PHF21B: variants seen among roughly 807,000 people sequenced by gnomAD.
The protein encoded by PHF21B is PHD finger protein 21B, also known as PHD finger protein 4.
PHF21B carries 22 observed loss-of-function variants against 62.2 expected under a neutral mutation model. The observed-to-expected ratio is 0.35, with a 90% CI of 0.25 to 0.51. PHF21B has a LOEUF of 0.51. Ranked by LOEUF, PHF21B falls within the 20% of genes least tolerant of loss-of-function variation. The pLI is 0.97. For synonymous variants in PHF21B, 341 were observed against 314.7 expected, an observed-to-expected ratio of 1.08 and a Z score of -0.88; for missense variants, 701 against 707.9, an observed-to-expected ratio of 0.99 and a Z score of 0.11.
chr22:45,009,264 G>T lies in PHF21B; in HGVS notation c.54+232C>A. On this transcript the variant is annotated intron_variant, in intron 1 of 12. Coordinates refer to ENST00000313237, the MANE Select transcript of PHF21B (RefSeq NM_138415.5). This position sits in a 1 kb window ranked among gnomAD's most constrained non-coding sequence, Gnocchi z 5.9. ...TCGCTTAAGAGAAGACTCCAGGCTC[G>T]GGTCCCACGCGTCCTCGATCCCGCA... 1 of 544,960 alleles carries T rather than the reference G, an allele frequency of 1.8e-6. No homozygotes were observed. The allele number at this position is 544,960 out of a possible 1,614,324, so 33.8% of individuals were successfully genotyped here.
chr22:44,928,086 T>C (rs2071668511), intron 2 of PHF21B, among the ~76,000 whole-genome samples: 1 of 152,102 alleles, frequency 6.6e-6, no homozygotes, highest in Non-Finnish European at 1.5e-5. Context: ...TGGAAAAATC[T>C]GTCTTTAATA....
chr22:44,905,623 TG>T (rs1277500466), intron 5 of PHF21B, among the ~76,000 whole-genome samples: 2 of 152,168 alleles, frequency 1.3e-5, no homozygotes, highest in African/African-American at 4.8e-5. Context: ...AATTTCTTTT[TG>T]TTTTTTTGTT....
At position 44,913,859 on chromosome 22, in the gene PHF21B, T is replaced by C; in HGVS notation, c.794A>G (p.Lys265Arg). ...CTGGGTCGGGGGCCGGTCTTCCTTC[T>C]TCTTTTTGGTGGCCTGAGCTCCCTG... The part of the protein sequence containing the change: ...PSQGAQATKK[K>R]KEDRPPTQEN... Residue 265 changes from lysine (K) to arginine (R), a missense_variant, in exon 5 of 13, where the codon AAG becomes AGG. Coordinates refer to ENST00000313237, the MANE Select transcript of PHF21B (RefSeq NM_138415.5). 6.2e-7 allele frequency: 1 copy of C among 1,614,000 alleles called. No individual in the cohort carries two copies. Among genetic ancestry groups the C allele is most frequent in the Non-Finnish European group, 8.5e-7 (1 of 1,180,006 alleles).
At chr22:44,917,946 C>T (rs1473686046) in intron 3 of PHF21B, among the ~76,000 whole-genome samples, 1 of 152,216 alleles carries the variant, frequency 6.6e-6, no homozygotes, top group East Asian at 1.9e-4. Context: ...GGGTCCTTAG[C>T]AAAATGAGCC....
intron 2 of PHF21B, among the ~76,000 whole-genome samples, chr22:44,950,488 G>T (rs138061023): frequency 6.6e-6 from 1 of 152,306 alleles, no homozygotes; most frequent in African/African-American, 2.4e-5. Flanking sequence ...TTAGCAATGC[G>T]GTTAGACACT....
intron 2 of PHF21B, among the ~76,000 whole-genome samples, chr22:44,997,033 CT>C (rs1459860841): frequency 2.0e-5 from 3 of 152,216 alleles, no homozygotes; most frequent in Admixed American, 2.0e-4. Flanking sequence ...GATTACCTGT[CT>C]CCCCCCCGAG....
At chr22:44,964,562 T>C (rs1361330308) in intron 2 of PHF21B, among the ~76,000 whole-genome samples, 2 of 152,234 alleles carry the variant, frequency 1.3e-5, no homozygotes, top group African/African-American at 4.8e-5. Context: ...ATGACCCGAT[T>C]ATGCTAATTC....
rs952197982 is a variant in PHF21B at position 45,009,935 on chromosome 22, T to A, written c.-386A>T. 3 of 145,036 alleles carry A rather than the reference T, an allele frequency of 2.1e-5. No individual in the cohort carries two copies. Among genetic ancestry groups the A allele is most frequent in the Admixed American group, 1.4e-4 (2 of 14,658 alleles). The allele number at this position is 145,036 out of a possible 1,614,324, so 9.0% of individuals were successfully genotyped here. A position where few individuals can be genotyped will look rare whatever the true frequency, so the allele number is the denominator to read the frequency against. ...TCCCGCGGGCAGGGACTATATTTCCTCCGGCGCGCGCGCCTGGATCTCGTT... is the reference window on the plus strand; with the variant it reads ...TCCCGCGGGCAGGGACTATATTTCCACCGGCGCGCGCGCCTGGATCTCGTT... On this transcript the variant is annotated 5_prime_UTR_variant, in exon 1 of 13. Coordinates refer to ENST00000313237, the MANE Select transcript of PHF21B (RefSeq NM_138415.5). The surrounding 1 kb of genome is among the most constrained non-coding windows in gnomAD (Gnocchi z 5.9).
chr22:44,898,349 A>G (rs1399575310), intron 5 of PHF21B, among the ~76,000 whole-genome samples: 5 of 152,250 alleles, frequency 3.3e-5, no homozygotes, highest in Admixed American at 6.5e-5. Flanking sequence ...TTCTCATCAC[A>G]TCGCAGCAAG....
At chr22:44,910,192 G>A (rs1356234896) in intron 5 of PHF21B, among the ~76,000 whole-genome samples, 1 of 152,228 alleles carries the variant, frequency 6.6e-6, no homozygotes, top group Non-Finnish European at 1.5e-5. Context: ...CCAGGGCGGG[G>A]TGCTGCAGTT....
At chr22:44,974,176 G>A (rs776916853) in intron 2 of PHF21B, among the ~76,000 whole-genome samples, 3 of 152,184 alleles carry the variant, frequency 2.0e-5, no homozygotes, top group Admixed American at 6.5e-5. Flanking sequence ...CACTTTGGGA[G>A]GCCGAGGCAG....
rs140136330 is a variant in PHF21B, at chr22:44,908,083, G to A, written c.831+5739C>T. Reference sequence around the variant, plus strand: ...GGAAGGATGATAACCCAAAGTATCGGGCAGCCTCTTCACGACTGAGCGGTT... The same window carrying A: ...GGAAGGATGATAACCCAAAGTATCGAGCAGCCTCTTCACGACTGAGCGGTT... On this transcript the variant is annotated intron_variant, in intron 5 of 12. Transcript: ENST00000313237. Among the ~76,000 whole-genome samples, 3 of 152,310 alleles carry A rather than the reference G, an allele frequency of 2.0e-5. No individual in the cohort carries two copies. In the East Asian group the frequency reaches 5.8e-4, roughly 29 times the overall value.
At chr22:44,982,530 A>G (rs1354227409) in intron 2 of PHF21B, among the ~76,000 whole-genome samples, 2 of 152,176 alleles carry the variant, frequency 1.3e-5, no homozygotes, top group African/African-American at 2.4e-5. Context: ...ACTCCTCCAC[A>G]GGCCCAAGTG....
intron 2 of PHF21B, among the ~76,000 whole-genome samples, chr22:44,963,003 C>T (rs1307147864): frequency 4.6e-5 from 7 of 152,190 alleles, no homozygotes; most frequent in African/African-American, 1.2e-4. Context: ...CTGGCTCATC[C>T]GGTTCTTTCA....
intron 4 of PHF21B, among the ~76,000 whole-genome samples, chr22:44,915,013 T>C (rs1032625015): frequency 6.6e-6 from 1 of 152,164 alleles, no homozygotes; most frequent in African/African-American, 2.4e-5. Flanking sequence ...AACTTGGGTG[T>C]TTTTTTGGTT....
chr22:44,910,476 G>T (rs984927113), intron 5 of PHF21B, among the ~76,000 whole-genome samples: 1 of 152,198 alleles, frequency 6.6e-6, no homozygotes, highest in Admixed American at 6.5e-5. Context: ...CATATTATGG[G>T]AGGGACCTGG....
chr22:44,923,431 A>C (rs1032103946), intron 2 of PHF21B, among the ~76,000 whole-genome samples: 1 of 152,202 alleles, frequency 6.6e-6, no homozygotes, highest in Admixed American at 6.5e-5. Context: ...ATGTAACAGA[A>C]ATCTTTGGGA....
intron 2 of PHF21B, among the ~76,000 whole-genome samples, chr22:44,963,658 G>A (rs549165253): frequency 6.6e-6 from 1 of 152,342 alleles, no homozygotes; most frequent in African/African-American, 2.4e-5. Flanking sequence ...AGAACCCGAG[G>A]CCTTCCCTGG....
intron 2 of PHF21B, among the ~76,000 whole-genome samples, chr22:44,924,588 A>G (rs1449824526): frequency 6.6e-6 from 1 of 152,188 alleles, no homozygotes; most frequent in Non-Finnish European, 1.5e-5. Context: ...TCTCTCTGCC[A>G]TGGGCAAATA....
Sources: allele counts gnomAD v4.1 joint callset (sites outside exome capture counted in the v4.1 genomes callset), GRCh38; gene constraint gnomAD v4.1.1; non-coding constraint Gnocchi (gnomAD v3.1); transcripts MANE v1.5; gene names NCBI Gene and HGNC (gene_info 2026-07-23, HGNC 2026-07-21).